The following SYT1 variants were observed in gnomAD, a reference collection of about 807,000 sequenced individuals.
SYT1 encodes the protein synaptotagmin-1.
SYT1 carries 8 observed loss-of-function variants against 44.8 expected under a neutral mutation model. The observed-to-expected ratio is 0.18, with a 90% CI of 0.10 to 0.32. The LOEUF is 0.32. Among genes scored for constraint, SYT1 ranks in the 10% least tolerant of loss-of-function variants. The probability of loss-of-function intolerance (pLI) is 1.00; values close to 1 mark genes in which losing one functional copy is unlikely to be tolerated. For missense variants in SYT1, 286 were observed against 509.3 expected, an observed-to-expected ratio of 0.56 and a Z score of 4.22; for synonymous variants, 154 against 188.8, an observed-to-expected ratio of 0.82 and a Z score of 1.51.
rs115066643 is a variant in SYT1 at position 79,412,264 on chromosome 12, A to G, written c.929-31809A>G. Among the ~76,000 whole-genome samples the G allele has an allele frequency of 4.5e-3, 681 of 152,218 alleles. 4 individuals carry two copies. Among genetic ancestry groups the G allele is most frequent in the African/African-American group, 0.016 (656 of 41,554 alleles). On this transcript the variant is annotated intron_variant, in intron 9 of 10. Transcript: ENST00000261205. ...TGCTTAGGAGGAGCCAGCCACATGC[A>G]GAGTGTGTTTACTGGAGTTGTATGC...
intron 3 of SYT1, among the ~76,000 whole-genome samples, chr12:79,101,975 T>C (rs1475413234): frequency 6.6e-6 from 1 of 152,152 alleles, no homozygotes; most frequent in Non-Finnish European, 1.5e-5. Context: ...TTTCATTTGT[T>C]ATTGCGTTCA....
At chr12:79,234,408 C>T (rs912473347) in intron 4 of SYT1, among the ~76,000 whole-genome samples, 2 of 152,222 alleles carry the variant, frequency 1.3e-5, no homozygotes, top group Admixed American at 1.3e-4. Flanking sequence ...TCCTTTCTAG[C>T]AATCGCTGCC....
chr12:79,274,248 G>A (rs1193676352), intron 4 of SYT1, among the ~76,000 whole-genome samples: 1 of 152,200 alleles, frequency 6.6e-6, no homozygotes, highest in Non-Finnish European at 1.5e-5. Context: ...TCCAGGAAGG[G>A]TGTGGCCTGA....
intron 3 of SYT1, among the ~76,000 whole-genome samples, chr12:79,128,942 G>A (rs1308347291): frequency 6.6e-6 from 1 of 151,876 alleles, no homozygotes; most frequent in African/African-American, 2.4e-5. Context: ...CTAGAATTTT[G>A]TGTTTGTGTT....
At chr12:79,205,539 C>T (rs1405736998) in intron 3 of SYT1, among the ~76,000 whole-genome samples, 1 of 152,046 alleles carries the variant, frequency 6.6e-6, no homozygotes, top group Non-Finnish European at 1.5e-5. Flanking sequence ...TTAATGAATA[C>T]GTTTTTAGTT....
intron 3 of SYT1, among the ~76,000 whole-genome samples, chr12:79,057,316 T>C (rs1440271201): frequency 3.3e-5 from 5 of 152,060 alleles, no homozygotes; most frequent in Non-Finnish European, 4.4e-5. Flanking sequence ...GCAAAGCCTA[T>C]GTTCATGAAT....
chr12:79,220,089 A>G (rs1875064756), intron 4 of SYT1, among the ~76,000 whole-genome samples: 1 of 151,964 alleles, frequency 6.6e-6, no homozygotes, highest in South Asian at 2.1e-4. Context: ...TACTGATTCA[A>G]TCTTTTGTTC....
chr12:79,259,621 C>T (rs896125300), intron 4 of SYT1, among the ~76,000 whole-genome samples: 1 of 152,128 alleles, frequency 6.6e-6, no homozygotes, highest in Non-Finnish European at 1.5e-5. Context: ...GTGGTCCCAG[C>T]TACTCAGGAG....
intron 3 of SYT1, among the ~76,000 whole-genome samples, chr12:79,157,382 C>A (rs960466830): frequency 2.2e-4 from 34 of 152,094 alleles, no homozygotes; most frequent in Admixed American, 1.6e-3. Context: ...GGTGAAAAAA[C>A]CAAAATAGCT....
intron 3 of SYT1, among the ~76,000 whole-genome samples, chr12:79,064,699 G>C (rs569094650): frequency 1.3e-5 from 2 of 151,814 alleles, no homozygotes; most frequent in South Asian, 4.2e-4. Flanking sequence ...CCATAAATGT[G>C]TGTGTGTTGG....
intron 2 of SYT1, among the ~76,000 whole-genome samples, chr12:78,987,569 G>A (rs1418149440): frequency 1.3e-5 from 2 of 151,884 alleles, no homozygotes; most frequent in African/African-American, 4.8e-5. Context: ...AACCCATGAG[G>A]CTACACATGA....
chr12:78,908,595 A>T (rs1876129123), intron 1 of SYT1, among the ~76,000 whole-genome samples: 1 of 151,910 alleles, frequency 6.6e-6, no homozygotes, highest in South Asian at 2.1e-4. Flanking sequence ...CTTAAAGCCA[A>T]GATATTTTCC....
intron 2 of SYT1, among the ~76,000 whole-genome samples, chr12:79,008,133 T>C (rs1479393800): frequency 6.6e-6 from 1 of 152,056 alleles, no homozygotes; most frequent in Non-Finnish European, 1.5e-5. Context: ...TCCATTTGTA[T>C]AGCATGGTCA....
rs373264605 is a variant in SYT1, at chr12:78,929,446, A to AAAAAAAAAAAAAAAAAAAG, written c.-216-48353_-216-48352insAAAAAAAAAAAAAAAAAAG. On this transcript the variant is annotated intron_variant, in intron 1 of 10. Coordinates refer to ENST00000261205, the MANE Select transcript of SYT1 (RefSeq NM_005639.3). ...AAAAAAAAAAAAAAAAAAAAAAAAA[A>AAAAAAAAAAAAAAAAAAAG]GGTTATTAGCAGCAATTAGTTTTAT... is the stretch of plus-strand genomic sequence containing the variant. Among the ~76,000 whole-genome samples the AAAAAAAAAAAAAAAAAAAG allele has an allele frequency of 8.5e-4, 109 of 128,574 alleles. 23 individuals carry two copies. Among genetic ancestry groups the AAAAAAAAAAAAAAAAAAAG allele is most frequent in the African/African-American group, 4.1e-3 (107 of 25,892 alleles). 84.3% of individuals were successfully genotyped at this position (128,574 alleles called of 152,430 possible). A position where few individuals can be genotyped will look rare whatever the true frequency, so the allele number is the denominator to read the frequency against.
intron 9 of SYT1, among the ~76,000 whole-genome samples, chr12:79,415,059 T>TTTTA (rs977529949): frequency 4.6e-5 from 7 of 152,142 alleles, no homozygotes; most frequent in Non-Finnish European, 8.8e-5. Context: ...ATATTTTCCA[T>TTTTA]TTTATTTATT....
At chr12:79,342,388 T>C (rs935005759) in intron 8 of SYT1, among the ~76,000 whole-genome samples, 5 of 150,168 alleles carry the variant, frequency 3.3e-5, no homozygotes, top group Non-Finnish European at 7.4e-5. Context: ...TGCACCACCA[T>C]GCCCGGCTAT....
intron 3 of SYT1, chr12:79,102,876 T>G (rs555361473): frequency 3.2e-4 from 49 of 151,910 alleles, no homozygotes; most frequent in African/African-American, 1.2e-3. Flanking sequence ...TTTCATAAAA[T>G]GGACCCAACT....
chr12:79,120,858 CCAGT>C (rs750462845), intron 3 of SYT1, among the ~76,000 whole-genome samples: 1 of 151,474 alleles, frequency 6.6e-6, no homozygotes, highest in Non-Finnish European at 1.5e-5. Flanking sequence ...GATGGCACAG[CCAGT>C]GTTAGCCTAG....
At chr12:78,871,899 ATTT>A (rs1873840418) in intron 1 of SYT1, among the ~76,000 whole-genome samples, 1 of 151,814 alleles carries the variant, frequency 6.6e-6, no homozygotes. Context: ...TCACTCTTCT[ATTT>A]TAACCAATGT....
Sources: allele counts gnomAD v4.1 joint callset (sites outside exome capture counted in the v4.1 genomes callset), GRCh38; gene constraint gnomAD v4.1.1; transcripts MANE v1.5; gene names NCBI Gene and HGNC (gene_info 2026-07-23, HGNC 2026-07-21).